Variants in PPARGC1A observed in about 807,000 individuals in gnomAD.
PPARGC1A encodes the protein PPARG coactivator 1 alpha.
PPARGC1A carries 25 observed loss-of-function variants against 88.7 expected under a neutral mutation model. That is an observed-to-expected ratio of 0.28 (90% CI 0.21 to 0.39). The LOEUF (loss-of-function observed/expected upper bound fraction) is 0.39, where lower values mean the gene tolerates loss of function less well. PPARGC1A is among the 10% of genes least tolerant of loss of function. The pLI is 1.00. For missense variants in PPARGC1A, 880 were observed against 968.7 expected, an observed-to-expected ratio of 0.91 and a Z score of 1.22; for synonymous variants, 363 against 355.6, an observed-to-expected ratio of 1.02 and a Z score of -0.24.
the PPARGC1A span, among the ~76,000 whole-genome samples, chr4:24,285,676 C>T: frequency 6.6e-6 from 1 of 152,220 alleles, no homozygotes; most frequent in African/African-American, 2.4e-5. Flanking sequence ...GCCTCTGCCT[C>T]TCTCTGTTAA....
the PPARGC1A span, among the ~76,000 whole-genome samples, chr4:24,249,790 G>C: frequency 1.3e-5 from 2 of 152,232 alleles, no homozygotes; most frequent in South Asian, 2.1e-4. Flanking sequence ...ACTATACTAC[G>C]TCCCTAAGCC....
the PPARGC1A span, among the ~76,000 whole-genome samples, chr4:24,126,431 T>C: frequency 6.6e-6 from 1 of 152,174 alleles, no homozygotes; most frequent in Non-Finnish European, 1.5e-5. Context: ...TTGAATGAGC[T>C]ATGTGACACT....
At chr4:24,181,642 C>A in the PPARGC1A span, among the ~76,000 whole-genome samples, 2 of 152,042 alleles carry the variant, frequency 1.3e-5, no homozygotes, top group Admixed American at 1.3e-4. Context: ...TAGGTATGGA[C>A]GAGTGAAGTT....
chr4:24,406,555 C>T, the PPARGC1A span, among the ~76,000 whole-genome samples: 5 of 152,164 alleles, frequency 3.3e-5, no homozygotes, highest in East Asian at 9.6e-4. Context: ...CTAGAAATGC[C>T]AAGAAATTGC....
the PPARGC1A span, among the ~76,000 whole-genome samples, chr4:24,446,131 A>G: frequency 7.2e-5 from 11 of 152,208 alleles, 1 homozygote; most frequent in Admixed American, 6.5e-4. Context: ...TCTGAGTGGT[A>G]AGGCAGCTTT....
intron 10 of PPARGC1A, among the ~76,000 whole-genome samples, chr4:23,810,153 TA>T (rs1720627051): frequency 6.6e-6 from 1 of 152,250 alleles, no homozygotes; most frequent in Non-Finnish European, 1.5e-5. Flanking sequence ...GGTTAAACAG[TA>T]AGTCCCAAAT....
intron 2 of PPARGC1A, among the ~76,000 whole-genome samples, chr4:23,876,839 A>G (rs1453092010): frequency 6.6e-6 from 1 of 152,100 alleles, no homozygotes; most frequent in Non-Finnish European, 1.5e-5. Flanking sequence ...AAAAAAAAGT[A>G]GTTGTTTAAG....
chr4:23,947,889 T>C, the PPARGC1A span, among the ~76,000 whole-genome samples: 3 of 152,104 alleles, frequency 2.0e-5, no homozygotes, highest in South Asian at 4.1e-4. Flanking sequence ...AGGCTCCATA[T>C]TGCTTTTTCT....
chr4:23,899,608 C>T (rs1719048807), upstream of PPARGC1A, among the ~76,000 whole-genome samples: 1 of 152,176 alleles, frequency 6.6e-6, no homozygotes, highest in African/African-American at 2.4e-5. Context: ...TTCTGCTACA[C>T]ACCAAAATGT....
At chr4:24,181,858 C>T in the PPARGC1A span, among the ~76,000 whole-genome samples, 2 of 152,108 alleles carry the variant, frequency 1.3e-5, no homozygotes, top group Admixed American at 6.6e-5. Context: ...GCTGAAACAG[C>T]AGCGCAAAAG....
At chr4:23,800,564 T>C (rs1331527173) in intron 12 of PPARGC1A, among the ~76,000 whole-genome samples, 1 of 151,046 alleles carries the variant, frequency 6.6e-6, no homozygotes, top group Non-Finnish European at 1.5e-5. Flanking sequence ...CGAATTTATA[T>C]ATTAATTGAG....
upstream of PPARGC1A, chr4:23,890,133 C>CA (rs929840384): frequency 4.6e-6 from 6 of 1,305,830 alleles, no homozygotes; most frequent in African/African-American, 8.9e-5. Flanking sequence ...GTCACTCACC[C>CA]AGCCTCCCTT....
At chr4:23,981,130 T>C in the PPARGC1A span, among the ~76,000 whole-genome samples, 2 of 151,950 alleles carry the variant, frequency 1.3e-5, no homozygotes, top group African/African-American at 2.4e-5. Flanking sequence ...TCTACACATA[T>C]CTCTTTTGAT....
the PPARGC1A span, among the ~76,000 whole-genome samples, chr4:24,330,548 C>T: frequency 2.0e-5 from 3 of 152,166 alleles, no homozygotes; most frequent in South Asian, 6.2e-4. Flanking sequence ...CCAGCCCCAG[C>T]CACAGGAGAA....
At chr4:23,927,433 G>T in the PPARGC1A span, among the ~76,000 whole-genome samples, 1 of 152,096 alleles carries the variant, frequency 6.6e-6, no homozygotes, top group South Asian at 2.1e-4. Flanking sequence ...TCAAGAAAAG[G>T]TTTATGGTTT....
the PPARGC1A span, among the ~76,000 whole-genome samples, chr4:23,987,277 C>A: frequency 1.3e-5 from 2 of 152,024 alleles, no homozygotes. Flanking sequence ...CCCTCTGCAC[C>A]TGAAGAACAG....
chr4:23,910,915 C>G, the PPARGC1A span, among the ~76,000 whole-genome samples: 1 of 152,058 alleles, frequency 6.6e-6, no homozygotes, highest in Non-Finnish European at 1.5e-5. Context: ...CCTGGGCAGC[C>G]TGGTTCCAGA....
At chr4:24,100,448 G>A in the PPARGC1A span, among the ~76,000 whole-genome samples, 2 of 152,244 alleles carry the variant, frequency 1.3e-5, no homozygotes, top group East Asian at 1.9e-4. Flanking sequence ...GATCCAGTAG[G>A]TGCAAATGGC....
the PPARGC1A span, among the ~76,000 whole-genome samples, chr4:24,471,691 C>A: frequency 6.6e-6 from 1 of 152,152 alleles, no homozygotes; most frequent in African/African-American, 2.4e-5. This position sits in a 1 kb window ranked among gnomAD's most constrained non-coding sequence, Gnocchi z 5.4. Context: ...ACCTACAGGC[C>A]GGCGGCGTGG....
Sources: gnomAD v4.1 joint callset for allele counts (sites outside exome capture counted in the v4.1 genomes callset) on GRCh38, gnomAD v4.1.1 for gene constraint, Gnocchi (gnomAD v3.1) non-coding constraint, MANE v1.5 for transcripts, NCBI Gene and HGNC (gene_info 2026-07-23, HGNC 2026-07-21) for gene names.